The following ARFIP1 variants were observed in gnomAD, a reference collection of about 807,000 sequenced individuals.
ARFIP1 encodes arfaptin-1.
In ARFIP1, 24 loss-of-function variants were observed where a neutral mutation model predicts 42.5. The observed-to-expected ratio is 0.57, with a 90% confidence interval of 0.41 to 0.80. The LOEUF (loss-of-function observed/expected upper bound fraction) is 0.80. ARFIP1 is among the 30% of genes least tolerant of loss of function. The pLI, the probability that ARFIP1 is intolerant of heterozygous loss-of-function variation, is 0.00. For missense variants in ARFIP1, 354 were observed against 434.0 expected (o/e 0.82, Z 1.64); for synonymous variants, 141 against 153.7 (o/e 0.92, Z 0.61).
chr4:152,823,759 A>G (rs1730576798), intron 1 of ARFIP1, among the ~76,000 whole-genome samples: 2 of 140,070 alleles, frequency 1.4e-5, no homozygotes, highest in Non-Finnish European at 3.1e-5. Context: ...CCTGGGCAAC[A>G]CAGCAAGTCT....
At chr4:152,808,797 G>C in intron 1 of ARFIP1, among the ~76,000 whole-genome samples, 1 of 152,164 alleles carries the variant, frequency 6.6e-6, no homozygotes, top group South Asian at 2.1e-4. Context: ...AGCCGGGCGT[G>C]GTGGCTTTTG....
chr4:152,846,511 T>C (rs1443389398), intron 2 of ARFIP1, among the ~76,000 whole-genome samples: 1 of 152,218 alleles, frequency 6.6e-6, no homozygotes, highest in East Asian at 1.9e-4. Context: ...TTGACTATTT[T>C]GAATAAATTC....
intron 8 of ARFIP1, among the ~76,000 whole-genome samples, chr4:152,899,105 C>T (rs1737602300): frequency 6.6e-6 from 1 of 152,130 alleles, no homozygotes; most frequent in African/African-American, 2.4e-5. Flanking sequence ...TTCTTGTTAT[C>T]TAAATATGGA....
rs77846890 is a variant in ARFIP1, at chr4:152,891,013, G to A, written c.966+2706G>A. 5.3e-3 allele frequency among the ~76,000 whole-genome samples: 812 copies of A among 152,298 alleles called. 9 individuals carry two copies. Among genetic ancestry groups the A allele is most frequent in the African/African-American group, 0.019 (780 of 41,564 alleles). On this transcript the variant is annotated intron_variant, in intron 8 of 8. Coordinates refer to ENST00000353617, the MANE Select transcript of ARFIP1 (RefSeq NM_001025595.3). Reference sequence around the variant, plus strand: ...TGGGAAGTTCACAATGAAGGTACCAGTGTCTGGTGAGGGCCCACCTTCTGA... The same window carrying A: ...TGGGAAGTTCACAATGAAGGTACCAATGTCTGGTGAGGGCCCACCTTCTGA...
intron 1 of ARFIP1, among the ~76,000 whole-genome samples, chr4:152,810,828 G>A (rs1156266743): frequency 6.6e-6 from 1 of 151,964 alleles, no homozygotes; most frequent in African/African-American, 2.4e-5. Context: ...AAAAAAGATG[G>A]TGTGCTATTC....
At chr4:152,804,959 T>A (rs1385953737) in intron 1 of ARFIP1, among the ~76,000 whole-genome samples, 1 of 152,158 alleles carries the variant, frequency 6.6e-6, no homozygotes, top group Non-Finnish European at 1.5e-5. Context: ...ATTGGGAAAA[T>A]CATATTTACT....
At chr4:152,861,234 G>A (rs1279223242) in intron 2 of ARFIP1, among the ~76,000 whole-genome samples, 2 of 152,138 alleles carry the variant, frequency 1.3e-5, no homozygotes, top group Non-Finnish European at 1.5e-5. Context: ...GTCCTCCAAA[G>A]ATGATGCAAA....
At chr4:152,907,695 A>G (rs969845002) in intron 8 of ARFIP1, among the ~76,000 whole-genome samples, 1 of 152,212 alleles carries the variant, frequency 6.6e-6, no homozygotes, top group Non-Finnish European at 1.5e-5. Context: ...AGTTTCATCC[A>G]TAGTGATGCA....
chr4:152,805,162 G>A (rs1419762489), intron 1 of ARFIP1, among the ~76,000 whole-genome samples: 1 of 152,180 alleles, frequency 6.6e-6, no homozygotes, highest in Non-Finnish European at 1.5e-5. Context: ...GACCATTTCA[G>A]AGTTATCACC....
At chr4:152,806,034 T>TA in intron 1 of ARFIP1, among the ~76,000 whole-genome samples, 1 of 152,260 alleles carries the variant, frequency 6.6e-6, no homozygotes, top group Non-Finnish European at 1.5e-5. Flanking sequence ...GCTAAAGTCT[T>TA]ACTTGGCAAA....
chr4:152,879,948 A>C (rs1172106246), intron 5 of ARFIP1, among the ~76,000 whole-genome samples: 2 of 152,266 alleles, frequency 1.3e-5, no homozygotes, highest in Non-Finnish European at 2.9e-5. Flanking sequence ...TTAATGCCCC[A>C]GTTATTCTTA....
intron 1 of ARFIP1, among the ~76,000 whole-genome samples, chr4:152,823,611 T>G (rs1057394094): frequency 7.3e-5 from 11 of 151,478 alleles, no homozygotes; most frequent in Non-Finnish European, 1.0e-4. Flanking sequence ...AAACCCCGTC[T>G]CTACTAAAAA....
At chr4:152,863,969 CA>C (rs1466873985) in intron 3 of ARFIP1, among the ~76,000 whole-genome samples, 1 of 151,968 alleles carries the variant, frequency 6.6e-6, no homozygotes, top group South Asian at 2.1e-4. Context: ...GAAATAAAAA[CA>C]AAAATTATGT....
intron 1 of ARFIP1, among the ~76,000 whole-genome samples, chr4:152,781,460 C>T (rs994158675): frequency 3.9e-5 from 6 of 152,130 alleles, no homozygotes; most frequent in Admixed American, 3.9e-4. Context: ...TGGTCTCAAA[C>T]TCCTGACCTC....
intron 2 of ARFIP1, among the ~76,000 whole-genome samples, chr4:152,848,581 CAGA>C (rs1232688787): frequency 6.6e-6 from 1 of 152,162 alleles, no homozygotes; most frequent in Non-Finnish European, 1.5e-5. Context: ...CTACGATCTG[CAGA>C]AGATTTGGGA....
At chr4:152,903,289 C>T (rs1357893446) in intron 8 of ARFIP1, among the ~76,000 whole-genome samples, 2 of 152,076 alleles carry the variant, frequency 1.3e-5, no homozygotes, top group Non-Finnish European at 2.9e-5. Flanking sequence ...ACTATTCTTA[C>T]GTAAATTTGT....
At chr4:152,881,637 T>C (rs1328701140) in intron 6 of ARFIP1, among the ~76,000 whole-genome samples, 1 of 152,206 alleles carries the variant, frequency 6.6e-6, no homozygotes. Context: ...TTTTAGTTTT[T>C]ACATGCATTG....
At chr4:152,785,029 G>T (rs944782300) in intron 1 of ARFIP1, among the ~76,000 whole-genome samples, 6 of 152,136 alleles carry the variant, frequency 3.9e-5, no homozygotes, top group Non-Finnish European at 7.4e-5. Context: ...GTTTCTGCTA[G>T]CCTGAGATAC....
chr4:152,817,270 C>G (rs971252223), intron 1 of ARFIP1, among the ~76,000 whole-genome samples: 1 of 152,104 alleles, frequency 6.6e-6, no homozygotes, highest in African/African-American at 2.4e-5. Context: ...AACTTAACTC[C>G]AGTAGCCACA....
Sources: allele counts gnomAD v4.1 joint callset (sites outside exome capture counted in the v4.1 genomes callset), GRCh38; gene constraint gnomAD v4.1.1; transcripts MANE v1.5; gene names NCBI Gene and HGNC (gene_info 2026-07-23, HGNC 2026-07-21).